The following PPP1R9B variants were observed in gnomAD, a reference collection of about 807,000 sequenced individuals.
The protein encoded by PPP1R9B is protein phosphatase 1 regulatory subunit 9B.
Under a neutral mutation model 75.8 loss-of-function variants are expected in PPP1R9B, and 17 were observed. That is an observed-to-expected ratio of 0.22 (90% CI 0.15 to 0.34). The LOEUF (loss-of-function observed/expected upper bound fraction) is 0.34. Ranked by LOEUF, PPP1R9B falls within the 10% of genes least tolerant of loss-of-function variation. The pLI is 1.00. For missense variants in PPP1R9B, 875 were observed against 1,196.0 expected (o/e 0.73, Z 3.96); for synonymous variants, 509 against 535.4 (o/e 0.95, Z 0.68).
chr17:50,139,672 C>T lies in PPP1R9B; in HGVS notation c.1867-91G>A, dbSNP rs1912319063. ...GCTGGGACCAGTTGCCCATGCCAGACAGAGAGCTACCCAGGAATGTGGTTC... is the reference window on the plus strand; with the variant it reads ...GCTGGGACCAGTTGCCCATGCCAGATAGAGAGCTACCCAGGAATGTGGTTC... On this transcript the variant is annotated intron_variant, in intron 5 of 9. Coordinates refer to ENST00000612501, the MANE Select transcript of PPP1R9B (RefSeq NM_032595.5). The surrounding 1 kb of genome is among the most constrained non-coding windows in gnomAD (Gnocchi z 5.0). The T allele has an allele frequency of 1.4e-6, 2 of 1,404,926 alleles. No individual in the cohort carries two copies. Among genetic ancestry groups the T allele is most frequent in the Non-Finnish European group, 1.9e-6 (2 of 1,043,608 alleles). The allele number at this position is 1,404,926 out of a possible 1,614,324, so 87.0% of individuals were successfully genotyped here.
intron 1 of PPP1R9B, among the ~76,000 whole-genome samples, chr17:50,146,535 C>T (rs537941382): frequency 3.8e-4 from 58 of 152,266 alleles, no homozygotes; most frequent in Admixed American, 2.4e-3. Context: ...GGGTTTGCTC[C>T]GTGTCGTCCC....
At chr17:50,143,500 G>C in intron 3 of PPP1R9B, 98 bp downstream of exon 3, 1 of 1,462,356 alleles carries the variant, frequency 6.8e-7, no homozygotes, top group Non-Finnish European at 9.3e-7. Context: ...AATCTCCCAG[G>C]GAAGGCCCGC....
chr17:50,138,153 CGTGTGTGT>C (rs58489923), intron 7 of PPP1R9B, among the ~76,000 whole-genome samples: 21,096 of 146,352 alleles, frequency 0.14, 1,634 homozygotes, highest in Middle Eastern at 0.29. Context: ...GTGTATACTA[CGTGTGTGT>C]GTGTGTGTGT....
rs372681459 is a variant in PPP1R9B at position 50,140,551 on chromosome 17, G to A, written c.1731-323C>T. ...GCCACAGGGGAGAAAATGAGGCAGG[G>A]AAAGGTGAAGATGACCCTCCCAGCA... On this transcript the variant is annotated intron_variant, in intron 4 of 9. Transcript: ENST00000612501. Among the ~76,000 whole-genome samples, 7 of 152,320 alleles carry A rather than the reference G, an allele frequency of 4.6e-5. No individual in the cohort carries two copies. In the East Asian group the frequency reaches 1.2e-3, roughly 25 times the overall value.
At chr17:50,143,361 C>T (rs998393098) in intron 3 of PPP1R9B, among the ~76,000 whole-genome samples, 37 of 152,250 alleles carry the variant, frequency 2.4e-4, no homozygotes, top group Non-Finnish European at 1.5e-5. Context: ...GTCACCAGCC[C>T]CTCCTGGAGA....
In PPP1R9B at chr17:50,143,633, G is replaced by C. The variant is rs201313568; in HGVS notation, c.1590C>G (p.Thr530=). Residue 530 remains threonine (T), a synonymous_variant, in exon 3 of 10, where the codon ACC becomes ACG. Coordinates refer to ENST00000612501, the MANE Select transcript of PPP1R9B (RefSeq NM_032595.5). Reference sequence around the variant, plus strand: ...GATGGGCCGCACCACCCTCCGTCACGGTCTTGACGAAGATACCCAGCTTCT... The same window carrying C: ...GATGGGCCGCACCACCCTCCGTCACCGTCTTGACGAAGATACCCAGCTTCT... ...GLEKLGIFVK[T]VTEGGAAHRD... 13 of 1,613,960 alleles carry C rather than the reference G, an allele frequency of 8.1e-6. No homozygotes were observed. The Admixed American group carries it at 1.7e-4, about 21-fold the overall frequency.
chr17:50,144,600 CCT>C (rs1054869944), intron 2 of PPP1R9B, among the ~76,000 whole-genome samples: 3 of 152,196 alleles, frequency 2.0e-5, no homozygotes, highest in African/African-American at 7.2e-5. Flanking sequence ...TGACTACTCC[CCT>C]AATTCCTCCT....
intron 1 of PPP1R9B, among the ~76,000 whole-genome samples, chr17:50,148,646 G>A (rs1284978618): frequency 6.6e-6 from 1 of 152,244 alleles, no homozygotes; most frequent in Non-Finnish European, 1.5e-5. Context: ...GTCCCCTGCA[G>A]CTTCGTTTTG....
intron 2 of PPP1R9B, among the ~76,000 whole-genome samples, chr17:50,144,871 A>G (rs1264120667): frequency 6.6e-6 from 1 of 152,178 alleles, no homozygotes; most frequent in Non-Finnish European, 1.5e-5. Flanking sequence ...TGTTAACTGA[A>G]TGTGCAAATG....
At chr17:50,138,912 G>A (rs766095008) in intron 7 of PPP1R9B, among the ~76,000 whole-genome samples, 1 of 152,230 alleles carries the variant, frequency 6.6e-6, no homozygotes, top group Non-Finnish European at 1.5e-5. Context: ...GAGCCACTGC[G>A]CTCAGCCTAC....
In PPP1R9B at chr17:50,136,125, TCTC is replaced by T. The variant is rs1458534345; in HGVS notation, c.2143_2145del (p.Glu715del). On this transcript the variant is annotated inframe_deletion, in exon 8 of 10. Coordinates refer to ENST00000612501, the MANE Select transcript of PPP1R9B (RefSeq NM_032595.5). ...TCCAGTTTCTCCATGCGCTCCTTGTTCTCCTCCACACTCTGCTCCAACTGCGCC... is the reference window on the plus strand; with the variant it reads ...TCCAGTTTCTCCATGCGCTCCTTGTTCTCCACACTCTGCTCCAACTGCGCC... 6.2e-7 allele frequency: 1 copy of T among 1,608,302 alleles called. No individual in the cohort carries two copies. The highest frequency in any genetic ancestry group is 1.3e-5 in the African/African-American group (1 of 74,882).
intron 1 of PPP1R9B, chr17:50,146,204 A>G (rs897219851): frequency 7.2e-5 from 11 of 152,442 alleles, no homozygotes; most frequent in African/African-American, 2.7e-4. Context: ...AGGACAGAGA[A>G]GGTGGGGCTG....
chr17:50,143,209 G>A (rs1380464786), intron 3 of PPP1R9B, among the ~76,000 whole-genome samples: 1 of 152,014 alleles, frequency 6.6e-6, no homozygotes, highest in Non-Finnish European at 1.5e-5. Context: ...ACTTCCCAGG[G>A]CCCAGCACCG....
In PPP1R9B at chr17:50,142,352, G is replaced by A. The variant is rs967850216; in HGVS notation, c.1626-979C>T. On this transcript the variant is annotated intron_variant, in intron 3 of 9. Coordinates refer to ENST00000612501, the MANE Select transcript of PPP1R9B (RefSeq NM_032595.5). This position sits in a 1 kb window ranked among gnomAD's most constrained non-coding sequence, Gnocchi z 4.1. ...CCCAACACATGCCACTCCCAGGTGG[G>A]CATGAGTGAGTGGCCACGGCCACCA... 9.9e-5 allele frequency among the ~76,000 whole-genome samples: 15 copies of A among 152,184 alleles called. No individual in the cohort carries two copies. Among genetic ancestry groups the A allele is most frequent in the African/African-American group, 3.6e-4 (15 of 41,442 alleles).
At chr17:50,137,787 C>A (rs938194369) in intron 7 of PPP1R9B, among the ~76,000 whole-genome samples, 5 of 152,162 alleles carry the variant, frequency 3.3e-5, no homozygotes, top group African/African-American at 1.2e-4. Context: ...GCAGTCCAGC[C>A]CTGCCTCCAC....
At chr17:50,144,544 A>G (rs958774792) in intron 2 of PPP1R9B, among the ~76,000 whole-genome samples, 1 of 152,140 alleles carries the variant, frequency 6.6e-6, no homozygotes, top group Non-Finnish European at 1.5e-5. Context: ...CCTCATTTGC[A>G]TGCTCTTCTT....
chr17:50,136,624 CA>C (rs1912237857), intron 7 of PPP1R9B, among the ~76,000 whole-genome samples: 1 of 152,112 alleles, frequency 6.6e-6, no homozygotes, highest in Non-Finnish European at 1.5e-5. Flanking sequence ...CCCCTCTCTG[CA>C]GCCCCAGCCC....
In PPP1R9B at chr17:50,149,594, C is replaced by T; in HGVS notation, c.920G>A (p.Gly307Glu). 6.4e-7 allele frequency: 1 copy of T among 1,567,988 alleles called. No homozygotes were observed. The highest frequency in any genetic ancestry group is 2.4e-5 in the East Asian group (1 of 42,062). Residue 307 changes from glycine (G) to glutamate (E), a missense_variant, in exon 1 of 10, where the codon GGG (glycine) becomes GAG (glutamate). Transcript: ENST00000612501. The surrounding 1 kb of genome is among the most constrained non-coding windows in gnomAD (Gnocchi z 7.2). ...GGGCGCCGACTCGGCCTCCGACTCC[C>T]CGCTCTCCTCCACCTCCACCGGCTT... ...KIKPVEVEES[G>E]ESEAESAPGE...
At position 50,139,296 on chromosome 17, in the gene PPP1R9B, G is replaced by T; in HGVS notation, c.2040C>A (p.Val680=). 2 of 1,614,024 alleles carry T rather than the reference G, an allele frequency of 1.2e-6. No homozygotes were observed. The highest frequency in any genetic ancestry group is 2.2e-5 in the South Asian group (2 of 91,070). Residue 680 remains valine, a synonymous_variant, in exon 7 of 10, where the codon GTC becomes GTA. Transcript: ENST00000612501. The surrounding 1 kb of genome is among the most constrained non-coding windows in gnomAD (Gnocchi z 5.0). ...KFKELQIKHA[V]TEAEIQQLKR... Reference sequence around the variant, plus strand: ...TCAGCTGCTGGATCTCTGCCTCAGTGACCGCATGCTTGATCTGGAGCTGTT... The same window carrying T: ...TCAGCTGCTGGATCTCTGCCTCAGTTACCGCATGCTTGATCTGGAGCTGTT...
Sources: gnomAD v4.1 joint callset for allele counts (sites outside exome capture counted in the v4.1 genomes callset) on GRCh38, gnomAD v4.1.1 for gene constraint, Gnocchi (gnomAD v3.1) non-coding constraint, MANE v1.5 for transcripts, NCBI Gene and HGNC (gene_info 2026-07-23, HGNC 2026-07-21) for gene names.